EXOC4: variants seen among roughly 807,000 people sequenced by gnomAD.
The protein encoded by EXOC4 is SEC8-like 1.
In EXOC4, 71 loss-of-function variants were observed where a neutral mutation model predicts 107.2. That is an observed-to-expected ratio of 0.66 (90% CI 0.55 to 0.81). The LOEUF (loss-of-function observed/expected upper bound fraction) is 0.81, where lower values mean the gene tolerates loss of function less well. Ranked by LOEUF, EXOC4 falls within the 30% of genes least tolerant of loss-of-function variation. The pLI is 0.00. For synonymous variants in EXOC4, 456 were observed against 441.2 expected (o/e 1.03, Z -0.42); for missense variants, 1,108 against 1,189.6 (o/e 0.93, Z 1.01).
At chr7:133,555,581 T>G (rs1800675419) in intron 9 of EXOC4, among the ~76,000 whole-genome samples, 1 of 152,206 alleles carries the variant, frequency 6.6e-6, no homozygotes, top group South Asian at 2.1e-4. Context: ...ATCTTTTTGC[T>G]ATTTTGGCAT....
At chr7:133,477,405 A>C (rs1399110938) in intron 8 of EXOC4, among the ~76,000 whole-genome samples, 3 of 152,192 alleles carry the variant, frequency 2.0e-5, no homozygotes, top group African/African-American at 7.2e-5. Flanking sequence ...AGTCAGAATC[A>C]GTGTGTAGCC....
chr7:133,942,018 A>G (rs1395158663), intron 14 of EXOC4, among the ~76,000 whole-genome samples: 2 of 152,222 alleles, frequency 1.3e-5, no homozygotes, highest in East Asian at 1.9e-4. Context: ...TATGACCTAC[A>G]TAAAAATTGT....
intron 2 of EXOC4, among the ~76,000 whole-genome samples, chr7:133,279,035 G>A (rs1794067423): frequency 2.7e-5 from 4 of 149,238 alleles, no homozygotes; most frequent in East Asian, 2.0e-4. Flanking sequence ...TGTTCTCATT[G>A]TTCAATTCCC....
intron 10 of EXOC4, among the ~76,000 whole-genome samples, chr7:133,751,884 C>G (rs1413727756): frequency 6.6e-6 from 1 of 151,884 alleles, no homozygotes; most frequent in Non-Finnish European, 1.5e-5. Flanking sequence ...GTGACCCATA[C>G]TTATAATTTC....
At chr7:133,722,631 A>G (rs1000310338) in intron 10 of EXOC4, among the ~76,000 whole-genome samples, 1 of 152,282 alleles carries the variant, frequency 6.6e-6, no homozygotes, top group South Asian at 2.1e-4. Context: ...AATTTTAGGC[A>G]TTTTAAAGGT....
At chr7:133,800,986 A>G (rs1796927967) in intron 10 of EXOC4, among the ~76,000 whole-genome samples, 1 of 152,182 alleles carries the variant, frequency 6.6e-6, no homozygotes, top group African/African-American at 2.4e-5. Context: ...GAGTAAATGA[A>G]TAAAGGGATA....
At chr7:133,607,016 T>G (rs139145704) in intron 9 of EXOC4, among the ~76,000 whole-genome samples, 215 of 152,340 alleles carry the variant, frequency 1.4e-3, no homozygotes, top group African/African-American at 5.0e-3. Flanking sequence ...TAGCTGTAGA[T>G]CCTACAATGC....
intron 7 of EXOC4, among the ~76,000 whole-genome samples, chr7:133,412,532 C>T (rs1164503265): frequency 2.0e-5 from 3 of 151,728 alleles, no homozygotes; most frequent in African/African-American, 7.3e-5. Flanking sequence ...CAATTAATCC[C>T]AAACCGCCAT....
At chr7:133,343,932 G>C (rs1174377219) in intron 5 of EXOC4, among the ~76,000 whole-genome samples, 1 of 151,760 alleles carries the variant, frequency 6.6e-6, no homozygotes, top group Non-Finnish European at 1.5e-5. Context: ...TGCTGCCTCA[G>C]CCTCCCAGAT....
At chr7:133,326,199 T>C (rs966554107) in intron 5 of EXOC4, among the ~76,000 whole-genome samples, 1 of 152,218 alleles carries the variant, frequency 6.6e-6, no homozygotes, top group African/African-American at 2.4e-5. Flanking sequence ...TCTGAAGCCT[T>C]CTCTAAACTC....
intron 9 of EXOC4, among the ~76,000 whole-genome samples, chr7:133,618,528 T>C (rs1802249213): frequency 6.6e-6 from 1 of 152,222 alleles, no homozygotes; most frequent in Non-Finnish European, 1.5e-5. Context: ...GTAAGTGTGC[T>C]AGACAAATGT....
chr7:133,760,859 A>G (rs1796018414), intron 10 of EXOC4, among the ~76,000 whole-genome samples: 1 of 152,198 alleles, frequency 6.6e-6, no homozygotes, highest in Non-Finnish European at 1.5e-5. Flanking sequence ...GGCTTAGGAA[A>G]TGCTCTTATT....
At chr7:133,838,659 T>C (rs1797966330) in intron 11 of EXOC4, among the ~76,000 whole-genome samples, 1 of 152,176 alleles carries the variant, frequency 6.6e-6, no homozygotes, top group Non-Finnish European at 1.5e-5. Flanking sequence ...AGCACTCAGG[T>C]AATAGCTATG....
At chr7:133,352,962 T>A (rs776539389) in intron 5 of EXOC4, among the ~76,000 whole-genome samples, 1 of 152,090 alleles carries the variant, frequency 6.6e-6, no homozygotes, top group African/African-American at 2.4e-5. Context: ...GTTGTTGATG[T>A]CACAGAATTA....
chr7:133,496,213 G>A (rs79434220), intron 9 of EXOC4, among the ~76,000 whole-genome samples: 5,118 of 151,994 alleles, frequency 0.034, 154 homozygotes, highest in Non-Finnish European at 0.051. Flanking sequence ...GCAGTGCACC[G>A]GTGTGATCAT....
chr7:133,640,206 T>C (rs1478036686), intron 10 of EXOC4, among the ~76,000 whole-genome samples: 2 of 152,130 alleles, frequency 1.3e-5, no homozygotes, highest in Non-Finnish European at 2.9e-5. Context: ...GTCAATCCCT[T>C]TCCCTGAGAG....
intron 14 of EXOC4, among the ~76,000 whole-genome samples, chr7:133,946,533 G>C (rs760763504): frequency 6.6e-6 from 1 of 152,098 alleles, no homozygotes; most frequent in South Asian, 2.1e-4. Flanking sequence ...ATCCAGTTTT[G>C]TTCATTTTCA....
chr7:133,979,773 G>A (rs1793934236), intron 14 of EXOC4, among the ~76,000 whole-genome samples: 1 of 151,900 alleles, frequency 6.6e-6, no homozygotes, highest in African/African-American at 2.4e-5. Flanking sequence ...GGGCGACAGA[G>A]CGAGACTCCA....
At chr7:133,412,404 A>G (rs1430610416) in intron 7 of EXOC4, among the ~76,000 whole-genome samples, 1 of 142,806 alleles carries the variant, frequency 7.0e-6, no homozygotes, top group East Asian at 2.2e-4. Flanking sequence ...ATATTTGGGT[A>G]TTTTAATATT....
Sources: allele counts gnomAD v4.1 joint callset (sites outside exome capture counted in the v4.1 genomes callset), GRCh38; gene constraint gnomAD v4.1.1; transcripts MANE v1.5; gene names NCBI Gene and HGNC (gene_info 2026-07-23, HGNC 2026-07-21).